Variants in RIMS2 observed in about 807,000 individuals in gnomAD.
RIMS2 encodes regulating synaptic membrane exocytosis 2, also known as regulating synaptic membrane exocytosis protein 2.
In RIMS2, 59 loss-of-function variants were observed where a neutral mutation model predicts 174.4. The observed-to-expected ratio is 0.34, with a 90% CI of 0.27 to 0.42. The LOEUF (loss-of-function observed/expected upper bound fraction) is 0.42, where lower values mean the gene tolerates loss of function less well. RIMS2 is among the 10% of genes least tolerant of loss of function. RIMS2 has a pLI of 1.00. For missense variants in RIMS2, 1,620 were observed against 1,666.3 expected (o/e 0.97, Z 0.48); for synonymous variants, 606 against 572.5 (o/e 1.06, Z -0.84).
chr8:103,865,550 G>T (rs185538008), intron 3 of RIMS2, among the ~76,000 whole-genome samples: 15 of 152,072 alleles, frequency 9.9e-5, no homozygotes, highest in African/African-American at 2.9e-4. Context: ...CTCCCAAAGT[G>T]CTGGGATTAC....
At chr8:104,153,996 G>C (rs1390648269) in intron 19 of RIMS2, among the ~76,000 whole-genome samples, 1 of 152,156 alleles carries the variant, frequency 6.6e-6, no homozygotes, top group African/African-American at 2.4e-5. Flanking sequence ...AGCATGTAAA[G>C]AAAACGAAGA....
At chr8:103,855,419 T>C (rs1243672030) in intron 3 of RIMS2, among the ~76,000 whole-genome samples, 2 of 152,112 alleles carry the variant, frequency 1.3e-5, no homozygotes. Flanking sequence ...TTCTTTTTGT[T>C]GTAGTTCCTT....
intron 1 of RIMS2, among the ~76,000 whole-genome samples, chr8:103,571,423 A>G (rs2092797584): frequency 6.6e-6 from 1 of 152,182 alleles, no homozygotes; most frequent in Non-Finnish European, 1.5e-5. Context: ...ATGGAGATGG[A>G]ATATTAACTT....
chr8:103,859,489 G>C (rs1324946068), intron 3 of RIMS2, among the ~76,000 whole-genome samples: 1 of 152,018 alleles, frequency 6.6e-6, no homozygotes. Context: ...TCTATTCCCT[G>C]GTCAGCCATC....
intron 2 of RIMS2, among the ~76,000 whole-genome samples, chr8:103,762,800 C>T (rs755248217): frequency 1.2e-4 from 18 of 152,132 alleles, no homozygotes; most frequent in Non-Finnish European, 2.5e-4. Context: ...CTTCTACACA[C>T]CTAGGCTAGA....
intron 17 of RIMS2, among the ~76,000 whole-genome samples, chr8:104,012,713 TAAATTTAAGG>T (rs2095800845): frequency 6.6e-6 from 1 of 152,136 alleles, no homozygotes; most frequent in African/African-American, 2.4e-5. Flanking sequence ...AGAGGTTGCT[TAAATTTAAGG>T]ATACTTCCTT....
At chr8:103,552,088 T>C (rs1380785031) in intron 1 of RIMS2, among the ~76,000 whole-genome samples, 1 of 152,170 alleles carries the variant, frequency 6.6e-6, no homozygotes, top group Admixed American at 6.6e-5. Flanking sequence ...TTTCACAGAA[T>C]TGGAAAAAAC....
chr8:104,227,174 A>T (rs960753680), intron 19 of RIMS2, among the ~76,000 whole-genome samples: 4 of 146,758 alleles, frequency 2.7e-5, no homozygotes, highest in African/African-American at 1.0e-4. Context: ...AAGATTGTCG[A>T]TGGTCTTTGT....
intron 19 of RIMS2, among the ~76,000 whole-genome samples, chr8:104,117,130 C>G (rs1266736135): frequency 6.6e-6 from 1 of 152,032 alleles, no homozygotes; most frequent in African/African-American, 2.4e-5. Context: ...AGGAGGATCA[C>G]TGGAACCCAA....
At chr8:103,600,961 G>A (rs2094707810) in intron 1 of RIMS2, among the ~76,000 whole-genome samples, 1 of 152,102 alleles carries the variant, frequency 6.6e-6, no homozygotes, top group South Asian at 2.1e-4. Context: ...ATGAATCAGT[G>A]ATGTTGAGCA....
intron 1 of RIMS2, among the ~76,000 whole-genome samples, chr8:103,528,971 A>G (rs1835519800): frequency 6.6e-6 from 1 of 152,148 alleles, no homozygotes; most frequent in South Asian, 2.1e-4. Context: ...GAATCTATAA[A>G]TTACCTTGGG....
At chr8:103,708,926 G>GT (rs1335872364) in intron 2 of RIMS2, among the ~76,000 whole-genome samples, 1 of 152,082 alleles carries the variant, frequency 6.6e-6, no homozygotes, top group Non-Finnish European at 1.5e-5. Flanking sequence ...TAGGCAGCTT[G>GT]TAATTGTCCT....
At chr8:104,068,982 T>C (rs909388645) in intron 19 of RIMS2, among the ~76,000 whole-genome samples, 2 of 152,216 alleles carry the variant, frequency 1.3e-5, no homozygotes, top group Non-Finnish European at 2.9e-5. Context: ...TACTGAATTA[T>C]TGGAACAAAA....
intron 19 of RIMS2, among the ~76,000 whole-genome samples, chr8:104,073,705 A>G (rs1206205651): frequency 6.6e-6 from 1 of 152,216 alleles, no homozygotes. Flanking sequence ...AATAAAATAA[A>G]GGAAAAGAAA....
At chr8:103,906,583 T>G (rs1052859949) in intron 4 of RIMS2, among the ~76,000 whole-genome samples, 1 of 152,186 alleles carries the variant, frequency 6.6e-6, no homozygotes, top group Non-Finnish European at 1.5e-5. Flanking sequence ...ATGTTTTTGC[T>G]TTAGTTTCAA....
At chr8:104,062,290 G>T (rs2097014223) in intron 19 of RIMS2, among the ~76,000 whole-genome samples, 1 of 151,982 alleles carries the variant, frequency 6.6e-6, no homozygotes, top group African/African-American at 2.4e-5. Context: ...TGTAATCCCA[G>T]CTACTCGGTA....
chr8:103,586,937 T>C (rs1251692326), intron 1 of RIMS2, among the ~76,000 whole-genome samples: 1 of 152,086 alleles, frequency 6.6e-6, no homozygotes, highest in Non-Finnish European at 1.5e-5. Context: ...TAAAGAATCA[T>C]TAGTGGTTAC....
chr8:104,001,747 T>C (rs1479793401), intron 17 of RIMS2, among the ~76,000 whole-genome samples: 1 of 152,110 alleles, frequency 6.6e-6, no homozygotes, highest in Non-Finnish European at 1.5e-5. Flanking sequence ...TTGTTGAACA[T>C]GTGAATGCTG....
At chr8:103,722,799 C>T (rs9656859) in intron 2 of RIMS2, among the ~76,000 whole-genome samples, 1 of 152,162 alleles carries the variant, frequency 6.6e-6, no homozygotes, top group Non-Finnish European at 1.5e-5. Context: ...TTTAATCTGT[C>T]TGACTAGGAC....
Sources: gnomAD v4.1 joint callset for allele counts (sites outside exome capture counted in the v4.1 genomes callset) on GRCh38, gnomAD v4.1.1 for gene constraint, MANE v1.5 for transcripts, NCBI Gene and HGNC (gene_info 2026-07-23, HGNC 2026-07-21) for gene names.